Variants in SOS1 observed in about 807,000 individuals in gnomAD.
SOS1 encodes son of sevenless homolog 1.
In SOS1, 25 loss-of-function variants were observed where a neutral mutation model predicts 157.6. That is an observed-to-expected ratio of 0.16 (90% CI 0.12 to 0.22). SOS1 has a LOEUF of 0.22. Ranked by LOEUF, SOS1 falls within the 10% of genes least tolerant of loss-of-function variation. The pLI, the probability that SOS1 is intolerant of heterozygous loss-of-function variation, is 1.00. For synonymous variants in SOS1, 528 were observed against 534.0 expected, an observed-to-expected ratio of 0.99 and a Z score of 0.16; for missense variants, 1,237 against 1,599.1, an observed-to-expected ratio of 0.77 and a Z score of 3.86.
intron 20 of SOS1, 74 bp downstream of exon 20, chr2:38,995,047 AAC>A: frequency 2.4e-6 from 3 of 1,270,306 alleles, no homozygotes; most frequent in East Asian, 2.3e-5. Context: ...ACAAAAAAAT[AAC>A]AGAGATTCTT....
chr2:39,113,911 A>G (rs565041769), intron 1 of SOS1, among the ~76,000 whole-genome samples: 9 of 152,280 alleles, frequency 5.9e-5, no homozygotes, highest in Admixed American at 3.3e-4. Flanking sequence ...AAATAATCTG[A>G]GCAAAAAGGT....
intron 1 of SOS1, among the ~76,000 whole-genome samples, chr2:39,112,984 G>A (rs530540646): frequency 4.6e-5 from 7 of 151,788 alleles, no homozygotes; most frequent in East Asian, 1.9e-4. Context: ...TACAGTGAGC[G>A]GAGATCACAC....
At chr2:39,040,394 C>T (rs968318508) in intron 6 of SOS1, among the ~76,000 whole-genome samples, 3 of 152,204 alleles carry the variant, frequency 2.0e-5, no homozygotes, top group Non-Finnish European at 2.9e-5. Flanking sequence ...AATTAAGTGG[C>T]ATTAATAGAC....
chr2:39,001,501 A>G (rs1043728919), intron 17 of SOS1, among the ~76,000 whole-genome samples: 5 of 152,204 alleles, frequency 3.3e-5, no homozygotes, highest in African/African-American at 1.2e-4. Context: ...TATTCTTTAA[A>G]TGGTGGTTGT....
At position 39,022,630 on chromosome 2, in the gene SOS1, T is replaced by G. The variant is rs373139450; in HGVS notation, c.1798A>C (p.Ile600Leu). The part of the protein sequence containing the change: ...ENMQPKAGIP[I>L]IKAGTVIKLI... ...TTAATAACAGTTCCTGCTTTGATAA[T>G]TGGAATTCCAGCCTTGGGCTGCATG... The change falls in exon 10 of 23, where the codon ATT (isoleucine) becomes CTT (leucine). Residue 600 changes from isoleucine to leucine, a missense_variant. Physicochemically the swap from Ile to Leu is conservative, Grantham distance 5. Transcript: ENST00000402219. 15 of 1,613,458 alleles carry G rather than the reference T, an allele frequency of 9.3e-6. No homozygotes were observed. Among genetic ancestry groups the G allele is most frequent in the Non-Finnish European group, 1.3e-5 (15 of 1,179,456 alleles).
At chr2:39,022,021 A>G (rs1572829469) in intron 10 of SOS1, among the ~76,000 whole-genome samples, 1 of 151,902 alleles carries the variant, frequency 6.6e-6, no homozygotes, top group East Asian at 1.9e-4. Context: ...TTGGGTCAGT[A>G]AAATAAATAC....
intron 5 of SOS1, 54 bp downstream of exon 5, chr2:39,054,560 T>G: frequency 9.9e-7 from 1 of 1,009,316 alleles, no homozygotes; most frequent in African/African-American, 1.6e-5. Flanking sequence ...TTTGAAGTGG[T>G]CATGCAAATT....
At chr2:39,052,526 C>A (rs1235610091) in intron 5 of SOS1, among the ~76,000 whole-genome samples, 4 of 152,124 alleles carry the variant, frequency 2.6e-5, no homozygotes, top group Admixed American at 6.6e-5. Flanking sequence ...ATAGACATGT[C>A]TTTTCTAGAA....
chr2:39,067,760 A>C lies in SOS1; in HGVS notation c.88-7T>G. ...GATGAACTTGCCCCTGGACCTATAA[A>C]CAAAAAGCAAAGTAATTAAAATGTG... On this transcript the variant is annotated splice_region_variant and splice_polypyrimidine_tract_variant and intron_variant, in intron 1 of 22. Transcript: ENST00000402219. 6.2e-7 allele frequency: 1 copy of C among 1,610,970 alleles called. No individual in the cohort carries two copies. Among genetic ancestry groups the C allele is most frequent in the Non-Finnish European group, 8.5e-7 (1 of 1,177,198 alleles).
intron 8 of SOS1, among the ~76,000 whole-genome samples, chr2:39,029,797 T>C (rs1466811404): frequency 6.6e-6 from 1 of 152,194 alleles, no homozygotes; most frequent in African/African-American, 2.4e-5. Context: ...CCATGTAGCT[T>C]TGAGCCGATG....
chr2:39,062,351 A>C (rs1487298314), intron 2 of SOS1, among the ~76,000 whole-genome samples: 1 of 151,362 alleles, frequency 6.6e-6, no homozygotes, highest in African/African-American at 2.4e-5. Flanking sequence ...CTGGGAGGCG[A>C]AAGTTGCAGT....
Position 39,022,954 on chromosome 2 carries a change from C to G in SOS1, c.1474G>C (p.Glu492Gln). 6.2e-7 allele frequency: 1 copy of G among 1,613,740 alleles called. No individual in the cohort carries two copies. Among genetic ancestry groups the G allele is most frequent in the Non-Finnish European group, 8.5e-7 (1 of 1,179,760 alleles). ...GASNAEYRLK[E>Q]KFFMRKVQIN... is the part of the protein sequence containing the mutation. ...TGTACCTTTCGCATAAAAAACTTTT[C>G]TTTAAGACGATATTCTGCATTGCTA... Residue 492 changes from glutamate to glutamine, a missense_variant, in exon 10 of 23, where the codon GAA becomes CAA. By Grantham distance (29) the Glu-to-Gln change is conservative (BLOSUM62 2). Coordinates refer to ENST00000402219, the MANE Select transcript of SOS1 (RefSeq NM_005633.4).
chr2:39,105,854 C>T (rs976169589), intron 1 of SOS1, among the ~76,000 whole-genome samples: 9 of 151,900 alleles, frequency 5.9e-5, no homozygotes, highest in African/African-American at 1.7e-4. Context: ...GAGCCGAGAT[C>T]GCACCATTGC....
chr2:39,110,169 G>C (rs1673370280), intron 1 of SOS1, among the ~76,000 whole-genome samples: 1 of 151,902 alleles, frequency 6.6e-6, no homozygotes, highest in African/African-American at 2.4e-5. Flanking sequence ...CAGATGCTCA[G>C]TAATCCTACA....
chr2:38,987,678 A>C, intron 21 of SOS1, 87 bp from the exon 22 acceptor site: 7 of 734,762 alleles, frequency 9.5e-6, no homozygotes, highest in East Asian at 2.6e-5. Flanking sequence ...GAAATTGCTT[A>C]TAATTAAAAG....
At chr2:39,070,816 T>TAAA (rs374275849) in intron 1 of SOS1, among the ~76,000 whole-genome samples, 4 of 152,132 alleles carry the variant, frequency 2.6e-5, no homozygotes, top group Admixed American at 2.6e-4. Flanking sequence ...ACCACAGACT[T>TAAA]AAGAGTTAAA....
chr2:39,055,300 C>T (rs768881935), intron 4 of SOS1, among the ~76,000 whole-genome samples: 4 of 152,162 alleles, frequency 2.6e-5, no homozygotes, highest in Non-Finnish European at 5.9e-5. Flanking sequence ...TGCTACAACA[C>T]ATCTTTCCCC....
rs1012986113 is a variant in SOS1, at chr2:39,067,873, C to T, written c.88-120G>A. On this transcript the variant is annotated intron_variant, in intron 1 of 22. Transcript: ENST00000402219. ...GTGGCTCATGCCTGTAATGCCAGCA[C>T]TCTGGGAGGCCAAGGCGGGCAGATC... is the stretch of plus-strand genomic sequence containing the variant. 7.1e-6 allele frequency: 6 copies of T among 841,416 alleles called. No individual in the cohort carries two copies. The African/African-American group carries it at 8.4e-5, about 12-fold the overall frequency. 52.1% of individuals were successfully genotyped at this position (841,416 alleles called of 1,614,324 possible).
chr2:38,981,601 A>G lies in SOS1; in HGVS notation c.*4223T>C, dbSNP rs946676817. The G allele has an allele frequency of 6.6e-6, 1 of 152,126 alleles. No homozygotes were observed. Among genetic ancestry groups the G allele is most frequent in the African/African-American group, 2.4e-5 (1 of 41,410 alleles). 9.4% of individuals were successfully genotyped at this position (152,126 alleles called of 1,614,324 possible). ...TATTATTTTTCAGTTTATCTTAGTA[A>G]TGCCAGAAAAATAACAGCCGTTATT... On this transcript the variant is annotated 3_prime_UTR_variant, in exon 23 of 23. Coordinates refer to ENST00000402219, the MANE Select transcript of SOS1 (RefSeq NM_005633.4).
Sources: allele counts gnomAD v4.1 joint callset (sites outside exome capture counted in the v4.1 genomes callset), GRCh38; gene constraint gnomAD v4.1.1; transcripts MANE v1.5; gene names NCBI Gene and HGNC (gene_info 2026-07-23, HGNC 2026-07-21).